Variants in FAM131B observed in about 807,000 individuals in gnomAD.
FAM131B encodes protein FAM131B.
In FAM131B, 19 loss-of-function variants were observed where a neutral mutation model predicts 42.0. That is an observed-to-expected ratio of 0.45 (90% CI 0.32 to 0.66). FAM131B has a LOEUF of 0.66. FAM131B is among the 30% of genes least tolerant of loss of function. The pLI, the probability that FAM131B is intolerant of heterozygous loss-of-function variation, is 0.05. For synonymous variants in FAM131B, 183 were observed against 177.6 expected, an observed-to-expected ratio of 1.03 and a Z score of -0.24; for missense variants, 370 against 468.4, an observed-to-expected ratio of 0.79 and a Z score of 1.94.
chr7:143,370,064 T>C, the FAM131B span, among the ~76,000 whole-genome samples: 2 of 152,232 alleles, frequency 1.3e-5, no homozygotes, highest in East Asian at 3.8e-4. Context: ...CCAACCTCTT[T>C]GTTCATGTAT....
At chr7:143,375,102 T>G in the FAM131B span, among the ~76,000 whole-genome samples, 2 of 152,194 alleles carry the variant, frequency 1.3e-5, no homozygotes, top group African/African-American at 4.8e-5. Context: ...AGGTGCCCAG[T>G]AAATGTTTGC....
chr7:143,373,177 G>A, the FAM131B span, among the ~76,000 whole-genome samples: 1 of 151,984 alleles, frequency 6.6e-6, no homozygotes, highest in Non-Finnish European at 1.5e-5. Context: ...GAGGTCAGGA[G>A]TGCCAGACCA....
chr7:143,362,078 G>A lies in FAM131B; in HGVS notation c.28+498C>T. On this transcript the variant is annotated intron_variant, in intron 1 of 6. Transcript: ENST00000443739. This position sits in a 1 kb window ranked among gnomAD's most constrained non-coding sequence, Gnocchi z 7.7. The stretch of plus-strand genomic sequence containing the variant: ...AAAAGGCAACGGAGAGGGAGAGAGA[G>A]ATGGGGCAAAGCACCCGAGCCAGAT... The A allele has an allele frequency of 1.0e-6, 1 of 984,712 alleles. No homozygotes were observed. Among genetic ancestry groups the A allele is most frequent in the Non-Finnish European group, 1.2e-6 (1 of 829,066 alleles). The allele number at this position is 984,712 out of a possible 1,614,324, so 61.0% of individuals were successfully genotyped here. A position where few individuals can be genotyped will look rare whatever the true frequency, so the allele number is the denominator to read the frequency against.
In FAM131B at chr7:143,358,770, G is replaced by A; in HGVS notation, c.466+57C>T. ...TCCTGCCACAGGGGATCAGGTTGGA[G>A]GGTCGGTCCCTGGCCATCCTGCAAA... is the stretch of plus-strand genomic sequence containing the variant. On this transcript the variant is annotated intron_variant, in intron 5 of 6. Coordinates refer to ENST00000443739, the MANE Select transcript of FAM131B (RefSeq NM_001031690.3). The surrounding 1 kb of genome is among the most constrained non-coding windows in gnomAD (Gnocchi z 4.7). 7.1e-7 allele frequency: 1 copy of A among 1,412,354 alleles called. No homozygotes were observed. The highest frequency in any genetic ancestry group is 9.9e-7 in the Non-Finnish European group (1 of 1,007,886). The allele number at this position is 1,412,354 out of a possible 1,614,324, so 87.5% of individuals were successfully genotyped here. A position where few individuals can be genotyped will look rare whatever the true frequency, so the allele number is the denominator to read the frequency against.
chr7:143,360,169 A>AGCC lies in FAM131B; in HGVS notation c.29-23_29-21dup. 1 of 1,589,824 alleles carries AGCC rather than the reference A, an allele frequency of 6.3e-7. No individual in the cohort carries two copies. The highest frequency in any genetic ancestry group is 8.6e-7 in the Non-Finnish European group (1 of 1,167,792). ...CATTCCCTGAGGGGGCCAGAAGGTT[A>AGCC]GCCGCCGGCCCTCACCTCCCTGTGC... On this transcript the variant is annotated intron_variant, in intron 1 of 6. Transcript: ENST00000443739.
At chr7:143,380,739 TG>T in the FAM131B span, 2 of 985,402 alleles carry the variant, frequency 2.0e-6, no homozygotes, top group Non-Finnish European at 2.4e-6. This position sits in a 1 kb window ranked among gnomAD's most constrained non-coding sequence, Gnocchi z 5.0. Flanking sequence ...CAGAGTCAGC[TG>T]GGGGGTGCTG....
At chr7:143,369,726 C>T in the FAM131B span, among the ~76,000 whole-genome samples, 3 of 149,470 alleles carry the variant, frequency 2.0e-5, no homozygotes, top group East Asian at 5.9e-4. Flanking sequence ...AGCATTCTTA[C>T]CAACCACAAT....
Position 143,362,559 on chromosome 7 carries a change from C to G in FAM131B, c.28+17G>C, listed in dbSNP as rs1247537191. The G allele has an allele frequency of 6.6e-6, 8 of 1,216,838 alleles. No individual in the cohort carries two copies. The highest frequency in any genetic ancestry group is 8.2e-6 in the Non-Finnish European group (8 of 976,586). The allele number at this position is 1,216,838 out of a possible 1,614,324, so 75.4% of individuals were successfully genotyped here. On this transcript the variant is annotated intron_variant, in intron 1 of 6. Transcript: ENST00000443739. The surrounding 1 kb of genome is among the most constrained non-coding windows in gnomAD (Gnocchi z 7.7). Reference sequence around the variant, plus strand: ...CCGGGGGGCCCAGCCCTGCCCCCGCCCGGCCGCGGTACCCACCCACAGTCC... The same window carrying G: ...CCGGGGGGCCCAGCCCTGCCCCCGCGCGGCCGCGGTACCCACCCACAGTCC...
At position 143,357,410 on chromosome 7, in the gene FAM131B, C is replaced by T. The variant is rs1180502781; in HGVS notation, c.480G>A (p.Gln160=). ...TGAGTGTGGCCTCAGAGATAGCAAA[C>T]TGCTCCATGACGCCTGGGGGAAGAA... The part of the protein sequence containing the change: ...EARFLAGVME[Q]FAISEATLMA... Residue 160 remains glutamine (Q), a synonymous_variant, in exon 6 of 7, where the codon CAG becomes CAA. Coordinates refer to ENST00000443739, the MANE Select transcript of FAM131B (RefSeq NM_001031690.3). The T allele has an allele frequency of 6.2e-7, 1 of 1,609,206 alleles. No homozygotes were observed. Among genetic ancestry groups the T allele is most frequent in the South Asian group, 1.1e-5 (1 of 90,170 alleles).
At chr7:143,380,258 A>T in the FAM131B span, 1 of 984,644 alleles carries the variant, frequency 1.0e-6, no homozygotes, top group South Asian at 4.7e-5. The surrounding 1 kb of genome is among the most constrained non-coding windows in gnomAD (Gnocchi z 5.0). Context: ...AAGAACTAGA[A>T]GAATTACCCA....
upstream of FAM131B, chr7:143,364,118 A>T (rs1166118286): frequency 6.6e-6 from 1 of 152,190 alleles, no homozygotes; most frequent in Non-Finnish European, 1.5e-5. Context: ...TTAATCGTTT[A>T]GTGTAGTTCG....
rs374926130 is a variant in FAM131B, at chr7:143,359,711, T to C, written c.174+21A>G. ...GGAGGAGTTCGGGAGGATGGGGAGG[T>C]CTGGGGGCAGCTGCACTCACGTTGA... On this transcript the variant is annotated intron_variant, in intron 3 of 6. Coordinates refer to ENST00000443739, the MANE Select transcript of FAM131B (RefSeq NM_001031690.3). This position sits in a 1 kb window ranked among gnomAD's most constrained non-coding sequence, Gnocchi z 5.4. The C allele has an allele frequency of 7.0e-6, 11 of 1,564,376 alleles. No homozygotes were observed. The highest frequency in any genetic ancestry group is 8.7e-6 in the Non-Finnish European group (10 of 1,153,490).
chr7:143,380,607 C>A, the FAM131B span: 1 of 985,412 alleles, frequency 1.0e-6, no homozygotes, highest in Non-Finnish European at 1.2e-6. This position sits in a 1 kb window ranked among gnomAD's most constrained non-coding sequence, Gnocchi z 5.0. Context: ...CCTCTCGCAA[C>A]CGATCTGCTG....
chr7:143,377,654 T>C, the FAM131B span, among the ~76,000 whole-genome samples: 1 of 152,144 alleles, frequency 6.6e-6, no homozygotes, highest in Non-Finnish European at 1.5e-5. Flanking sequence ...TGATGTATAT[T>C]CCTCACAGGT....
chr7:143,381,292 C>T, the FAM131B span: 62 of 1,089,150 alleles, frequency 5.7e-5, no homozygotes, highest in Non-Finnish European at 6.6e-5. Context: ...CTCCCTCCCT[C>T]CTCCTTCCGT....
Position 143,355,253 on chromosome 7 carries a change from C to G in FAM131B, c.*1297G>C, listed in dbSNP as rs761990804. 1 of 152,466 alleles carries G rather than the reference C, an allele frequency of 6.6e-6. No homozygotes were observed. Among genetic ancestry groups the G allele is most frequent in the African/African-American group, 2.4e-5 (1 of 41,580 alleles). The allele number at this position is 152,466 out of a possible 1,614,324, so 9.4% of individuals were successfully genotyped here. A position where few individuals can be genotyped will look rare whatever the true frequency, so the allele number is the denominator to read the frequency against. On this transcript the variant is annotated 3_prime_UTR_variant, in exon 7 of 7. Coordinates refer to ENST00000443739, the MANE Select transcript of FAM131B (RefSeq NM_001031690.3). The surrounding 1 kb of genome is among the most constrained non-coding windows in gnomAD (Gnocchi z 4.1). ...TCACGGTAGTGCTGGGGCGCATATG[C>G]TGCTCAGTCCCCACCAGCATGGATG...
rs1265324552 is a variant in FAM131B, at chr7:143,358,210, C to T, written c.466+617G>A. Among the ~76,000 whole-genome samples, 1 of 152,140 alleles carries T rather than the reference C, an allele frequency of 6.6e-6. No homozygotes were observed. The highest frequency in any genetic ancestry group is 1.5e-5 in the Non-Finnish European group (1 of 68,028). ...TGTCACCCTGTTCACTGATATTTCT[C>T]CTCCCACCCATACCACCAACTCAAT... On this transcript the variant is annotated intron_variant, in intron 5 of 6. Coordinates refer to ENST00000443739, the MANE Select transcript of FAM131B (RefSeq NM_001031690.3). This position sits in a 1 kb window ranked among gnomAD's most constrained non-coding sequence, Gnocchi z 4.7.
At chr7:143,381,858 T>C in the FAM131B span, 1 of 1,356,044 alleles carries the variant, frequency 7.4e-7, no homozygotes, top group African/African-American at 1.5e-5. Flanking sequence ...TGGGGATGTC[T>C]GGAAAGGTTG....
the FAM131B span, among the ~76,000 whole-genome samples, chr7:143,374,144 G>C: frequency 6.6e-6 from 1 of 152,024 alleles, no homozygotes; most frequent in Non-Finnish European, 1.5e-5. Flanking sequence ...ACTTATAAAT[G>C]TGGATCTTCA....
Sources: gnomAD v4.1 joint callset for allele counts (sites outside exome capture counted in the v4.1 genomes callset) on GRCh38, gnomAD v4.1.1 for gene constraint, Gnocchi (gnomAD v3.1) non-coding constraint, MANE v1.5 for transcripts, NCBI Gene and HGNC (gene_info 2026-07-23, HGNC 2026-07-21) for gene names.